Variants in RSRC2 observed in about 807,000 individuals in gnomAD.
RSRC2 encodes the protein arginine/serine-rich coiled-coil protein 2.
RSRC2 carries 5 observed loss-of-function variants against 61.3 expected under a neutral mutation model. That is an observed-to-expected ratio of 0.08 (90% CI 0.04 to 0.17). RSRC2 has a LOEUF of 0.17. Among genes scored for constraint, RSRC2 ranks in the 10% least tolerant of loss-of-function variants. The probability of loss-of-function intolerance (pLI) is 1.00; values close to 1 mark genes in which losing one functional copy is unlikely to be tolerated. For synonymous variants in RSRC2, 202 were observed against 166.5 expected (o/e 1.21, Z -1.64); for missense variants, 381 against 518.8 (o/e 0.73, Z 2.58).
rs558654025 is a variant in RSRC2 at position 122,526,447 on chromosome 12, C to G, written c.6+401G>C. ...CCTTTACAGACACTGCCTTTTTGAC[C>G]CAATACTTTTCAGAGACCACTCCTG... On this transcript the variant is annotated intron_variant, in intron 1 of 9. Coordinates refer to ENST00000331738, the MANE Select transcript of RSRC2 (RefSeq NM_023012.6). Among the ~76,000 whole-genome samples, 4 of 152,118 alleles carry G rather than the reference C, an allele frequency of 2.6e-5. No individual in the cohort carries two copies. In the South Asian group the frequency reaches 8.3e-4, roughly 32 times the overall value.
intron 3 of RSRC2, chr12:122,520,781 C>T: frequency 3.0e-6 from 1 of 337,196 alleles, no homozygotes; most frequent in South Asian, 2.3e-5. Flanking sequence ...TCTACACTTC[C>T]TTATTGGCTC....
At chr12:122,517,531 CAAGT>C (rs1414230662) in intron 4 of RSRC2, 101 bp from the exon 5 acceptor site, 11 of 1,316,024 alleles carry the variant, frequency 8.4e-6, no homozygotes, top group Admixed American at 4.0e-5. Context: ...TAAAGACAAG[CAAGT>C]AACTGCACTA....
At chr12:122,521,775 A>G (rs976269504) in intron 2 of RSRC2, among the ~76,000 whole-genome samples, 3 of 152,250 alleles carry the variant, frequency 2.0e-5, no homozygotes, top group Admixed American at 1.3e-4. Flanking sequence ...AATAAAAACT[A>G]AAGAAAATAA....
At chr12:122,520,395 A>T in intron 3 of RSRC2, 2 of 639,992 alleles carry the variant, frequency 3.1e-6, no homozygotes, top group Non-Finnish European at 5.2e-6. Flanking sequence ...TTTATTTCAA[A>T]CCAGTTTTTC....
intron 1 of RSRC2, chr12:122,523,203 G>C (rs548364851): frequency 3.5e-4 from 53 of 152,324 alleles, no homozygotes; most frequent in African/African-American, 1.2e-3. Context: ...GCACTGTAAA[G>C]ACTGAACTGT....
At position 122,518,834 on chromosome 12, in the gene RSRC2, C is replaced by T. The variant is rs1046969372; in HGVS notation, c.398+5G>A. ...GGTACTACATTATAATACAACATGA[C>T]TTACCTTTCACGAGACCTAGATCTT... On this transcript the variant is annotated splice_donor_5th_base_variant and intron_variant, in intron 4 of 9. Transcript: ENST00000331738. 35 of 1,610,618 alleles carry T rather than the reference C, an allele frequency of 2.2e-5. No homozygotes were observed. Among genetic ancestry groups the T allele is most frequent in the Non-Finnish European group, 2.9e-5 (34 of 1,176,904 alleles).
chr12:122,518,977 T>G lies in RSRC2; in HGVS notation c.260A>C (p.Glu87Ala), dbSNP rs1333406272. 1 of 1,613,740 alleles carries G rather than the reference T, an allele frequency of 6.2e-7. No homozygotes were observed. ...DKSSKKHKSE[E>A]HNDKEHSSDK... is the part of the protein sequence containing the mutation. ...AGAAGAATGTTCTTTGTCATTATGT[T>G]CCTCAGACTTATGTTTCTTAGAGGA... The change falls in exon 4 of 10, where the codon GAA becomes GCA. Residue 87 changes from glutamate to alanine, a missense_variant. Physicochemically the swap from Glu to Ala is moderately radical, Grantham distance 107. Around this residue, in one of 4 missense-constraint regions of RSRC2, gnomAD observed 266 missense variants for 270.5 expected, o/e 0.98. Coordinates refer to ENST00000331738, the MANE Select transcript of RSRC2 (RefSeq NM_023012.6).
At position 122,522,144 on chromosome 12, in the gene RSRC2, T is replaced by C. The variant is rs777154294; in HGVS notation, c.162A>G (p.Ser54=). Reference sequence around the variant, plus strand: ...GTAACCACCTTTAAGAATTCATACCTGACTTTCGTTTTCTTTCTCTTGACC... The same window carrying C: ...GTAACCACCTTTAAGAATTCATACCCGACTTTCGTTTTCTTTCTCTTGACC... The part of the protein sequence containing the change: ...RSRSRERKRK[S]DNEGRKHRSR... The change falls in exon 2 of 10, where the codon TCA becomes TCG. Residue 54 remains serine (S), a splice_region_variant and synonymous_variant. Transcript: ENST00000331738. The C allele has an allele frequency of 1.2e-6, 2 of 1,610,160 alleles. No individual in the cohort carries two copies. Among genetic ancestry groups the C allele is most frequent in the Non-Finnish European group, 8.5e-7 (1 of 1,178,816 alleles).
chr12:122,513,311 T>C (rs1201703944), intron 6 of RSRC2, among the ~76,000 whole-genome samples: 1 of 151,242 alleles, frequency 6.6e-6, no homozygotes, highest in Non-Finnish European at 1.5e-5. Context: ...CCTAAACAGT[T>C]TTAAATCCTG....
At position 122,516,940 on chromosome 12, in the gene RSRC2, G is replaced by T. The variant is rs532520548; in HGVS notation, c.602+287C>A. Among the ~76,000 whole-genome samples, 17 of 152,176 alleles carry T rather than the reference G, an allele frequency of 1.1e-4. No individual in the cohort carries two copies. In the South Asian group the frequency reaches 3.3e-3, roughly 30 times the overall value. On this transcript the variant is annotated intron_variant, in intron 5 of 9. Coordinates refer to ENST00000331738, the MANE Select transcript of RSRC2 (RefSeq NM_023012.6). ...ACTCCTGGGCTCAAAAAATCTGCTC[G>T]CCTCGTTGTGATTACAGGTGTAAAC...
chr12:122,526,531 A>C (rs1960471162), intron 1 of RSRC2, among the ~76,000 whole-genome samples: 1 of 152,002 alleles, frequency 6.6e-6, no homozygotes, highest in African/African-American at 2.4e-5. Flanking sequence ...CCTAAAAAAA[A>C]CTTAGAATAA....
intron 7 of RSRC2, among the ~76,000 whole-genome samples, chr12:122,509,814 G>A (rs1407008571): frequency 1.3e-5 from 2 of 151,940 alleles, no homozygotes; most frequent in Admixed American, 6.6e-5. Flanking sequence ...TAAGCTCTTC[G>A]TGATAATTTT....
At chr12:122,522,496 A>T (rs1326570440) in intron 1 of RSRC2, 197 bp from the exon 2 acceptor site, 3 of 474,046 alleles carry the variant, frequency 6.3e-6, no homozygotes, top group African/African-American at 6.0e-5. Flanking sequence ...TACTAAAGCA[A>T]GACCTACATA....
At chr12:122,507,285 G>A (rs1292718095) in intron 8 of RSRC2, 6 of 260,892 alleles carry the variant, frequency 2.3e-5, no homozygotes, top group East Asian at 1.1e-4. Flanking sequence ...AGGAGTCTGA[G>A]GCAGGAGAAT....
Position 122,517,311 on chromosome 12 carries a change from T to C in RSRC2, c.518A>G (p.Lys173Arg). The change falls in exon 5 of 10, where the codon AAA becomes AGA. Residue 173 changes from lysine (K) to arginine (R), a missense_variant. Lys to Arg is a conservative substitution (Grantham distance 26, BLOSUM62 2). Around this residue, in one of 4 missense-constraint regions of RSRC2, gnomAD observed 266 missense variants for 270.5 expected, o/e 0.98. Coordinates refer to ENST00000331738, the MANE Select transcript of RSRC2 (RefSeq NM_023012.6). ...KKSRSRSRER[K>R]RRIRSRSRSR... ...GCGGGAACGAGACCTGATCCGCCGT[T>C]TTCTTTCCCTGCTTCTGGATCTCGA... The C allele has an allele frequency of 6.2e-7, 1 of 1,614,136 alleles. No homozygotes were observed. The highest frequency in any genetic ancestry group is 8.5e-7 in the Non-Finnish European group (1 of 1,180,026).
chr12:122,512,809 C>A (rs1004654369), intron 6 of RSRC2, among the ~76,000 whole-genome samples: 1 of 151,762 alleles, frequency 6.6e-6, no homozygotes, highest in Non-Finnish European at 1.5e-5. Context: ...ATTTTATTCC[C>A]TTTTATGAAG....
rs537262268 is a variant in RSRC2, at chr12:122,509,743, CA to C, written c.806-1297del. Among the ~76,000 whole-genome samples, 51 of 152,212 alleles carry C rather than the reference CA, an allele frequency of 3.4e-4. 1 individual carries two copies. The East Asian group carries it at 6.9e-3, about 21-fold the overall frequency. On this transcript the variant is annotated intron_variant, in intron 7 of 9. Transcript: ENST00000331738. ...GTTTCAAATAAGTGCCACTGTTTACCAAAAATGTAAAAAACAACAAAAAACC... is the reference window on the plus strand; with the variant it reads ...GTTTCAAATAAGTGCCACTGTTTACCAAAATGTAAAAAACAACAAAAAACC...
At chr12:122,522,091 T>C in intron 2 of RSRC2, 52 bp downstream of exon 2, 1 of 1,538,546 alleles carries the variant, frequency 6.5e-7, no homozygotes, top group Non-Finnish European at 8.8e-7. Context: ...ACAACAGGTC[T>C]ACATATCTTA....
At chr12:122,522,798 C>T (rs1593422951) in intron 1 of RSRC2, 1 of 152,392 alleles carries the variant, frequency 6.6e-6, no homozygotes, top group African/African-American at 2.4e-5. Context: ...AATTAACTTA[C>T]CTAAGTGAGA....
Sources: gnomAD v4.1 joint callset for allele counts (sites outside exome capture counted in the v4.1 genomes callset) on GRCh38, gnomAD v4.1.1 for gene constraint, gnomAD v4.1.1 regional missense constraint, MANE v1.5 for transcripts, NCBI Gene and HGNC (gene_info 2026-07-23, HGNC 2026-07-21) for gene names.